The following SEL1L2 variants were observed in gnomAD, a reference collection of about 807,000 sequenced individuals.
SEL1L2 encodes the protein SEL1L2 adaptor subunit of SYVN1 ubiquitin ligase.
In SEL1L2, 89 loss-of-function variants were observed where a neutral mutation model predicts 98.8. The ratio of observed to expected loss-of-function variants is 0.90; its 90% CI spans 0.76 to 1.07. SEL1L2 has a LOEUF of 1.07. Ranked by LOEUF, SEL1L2 falls within the 50% of genes least tolerant of loss-of-function variation. The pLI, the probability that SEL1L2 is intolerant of heterozygous loss-of-function variation, is 0.00. For synonymous variants in SEL1L2, 262 were observed against 278.5 expected (o/e 0.94, Z 0.59); for missense variants, 788 against 812.0 (o/e 0.97, Z 0.36).
intron 2 of SEL1L2, 54 bp from the exon 3 acceptor site, chr20:13,931,825 T>A (rs1002400241): frequency 7.3e-7 from 1 of 1,366,004 alleles, no homozygotes; most frequent in Non-Finnish European, 9.7e-7. Flanking sequence ...TTTTTTCAAA[T>A]GAAACAACAG....
At chr20:13,902,910 G>C (rs1223130602) in intron 5 of SEL1L2, among the ~76,000 whole-genome samples, 1 of 152,098 alleles carries the variant, frequency 6.6e-6, no homozygotes. Context: ...GAGGTCAAGA[G>C]ATCGAGACCA....
At chr20:13,952,960 C>A (rs1408889259) in intron 2 of SEL1L2, among the ~76,000 whole-genome samples, 3 of 152,158 alleles carry the variant, frequency 2.0e-5, no homozygotes, top group Non-Finnish European at 4.4e-5. Flanking sequence ...ACCTGGGAGG[C>A]TTGCAGTGAA....
chr20:13,874,743 G>A (rs571011562), intron 12 of SEL1L2, among the ~76,000 whole-genome samples: 23 of 152,296 alleles, frequency 1.5e-4, no homozygotes, highest in Admixed American at 7.2e-4. Flanking sequence ...CAGCAGCTCT[G>A]AGGTGGTAGT....
chr20:13,917,786 CTTTTTTTTTTTTTTTTTTTTT>C (rs5840588), intron 4 of SEL1L2, among the ~76,000 whole-genome samples: 2 of 50,072 alleles, frequency 4.0e-5, no homozygotes, highest in African/African-American at 1.8e-4. Flanking sequence ...TTCTTTCTTT[CTTTTTTTTTTTTTTTTTTTTT>C]TTTTTTTTGA....
At chr20:13,950,093 A>T (rs371984724) in intron 2 of SEL1L2, among the ~76,000 whole-genome samples, 1 of 152,346 alleles carries the variant, frequency 6.6e-6, no homozygotes, top group East Asian at 1.9e-4. Flanking sequence ...ACACTGTATG[A>T]ACACTTAGAT....
intron 2 of SEL1L2, among the ~76,000 whole-genome samples, chr20:13,935,242 A>G (rs2049395803): frequency 6.6e-6 from 1 of 152,194 alleles, no homozygotes; most frequent in African/African-American, 2.4e-5. Context: ...CAGAGATTAA[A>G]TAATTTAATA....
intron 2 of SEL1L2, among the ~76,000 whole-genome samples, chr20:13,951,159 C>T (rs529085171): frequency 1.3e-5 from 2 of 151,284 alleles, no homozygotes; most frequent in Non-Finnish European, 2.9e-5. Flanking sequence ...CGCCTATAGT[C>T]CCAGCTACTC....
At chr20:13,900,182 T>C (rs1400967508) in intron 5 of SEL1L2, among the ~76,000 whole-genome samples, 1 of 152,228 alleles carries the variant, frequency 6.6e-6, no homozygotes, top group African/African-American at 2.4e-5. Context: ...CACACTGATA[T>C]GAGTGTGACC....
chr20:13,902,868 A>G (rs1377950426), intron 5 of SEL1L2, among the ~76,000 whole-genome samples: 2 of 152,212 alleles, frequency 1.3e-5, no homozygotes, highest in African/African-American at 4.8e-5. Flanking sequence ...CTGTAATCCC[A>G]GTACTTTGGG....
intron 17 of SEL1L2, among the ~76,000 whole-genome samples, chr20:13,863,681 G>A (rs1297913592): frequency 6.6e-6 from 1 of 152,098 alleles, no homozygotes; most frequent in African/African-American, 2.4e-5. Flanking sequence ...TAATATCAAT[G>A]TACTAGCTGG....
intron 1 of SEL1L2, among the ~76,000 whole-genome samples, chr20:13,965,371 G>C (rs1398474780): frequency 6.6e-6 from 1 of 152,144 alleles, no homozygotes; most frequent in Admixed American, 6.5e-5. Flanking sequence ...TGTGCAGACA[G>C]TAAGTACCAG....
At chr20:13,904,783 T>C (rs2047845732) in intron 5 of SEL1L2, among the ~76,000 whole-genome samples, 1 of 152,228 alleles carries the variant, frequency 6.6e-6, no homozygotes, top group East Asian at 1.9e-4. Flanking sequence ...TTCTTGATTC[T>C]GCTCAATTTA....
At chr20:13,904,326 T>G (rs2148118133) in intron 5 of SEL1L2, among the ~76,000 whole-genome samples, 1 of 152,168 alleles carries the variant, frequency 6.6e-6, no homozygotes, top group Admixed American at 6.5e-5. Flanking sequence ...GTCAGGAGTT[T>G]GAGACCAGCC....
intron 2 of SEL1L2, among the ~76,000 whole-genome samples, chr20:13,933,675 G>A (rs894515413): frequency 6.6e-6 from 1 of 152,160 alleles, no homozygotes; most frequent in African/African-American, 2.4e-5. Context: ...ATATTAAATA[G>A]ATACTGTGCC....
intron 2 of SEL1L2, among the ~76,000 whole-genome samples, chr20:13,934,083 C>T (rs557067712): frequency 1.5e-4 from 22 of 150,028 alleles, no homozygotes; most frequent in Admixed American, 2.0e-4. Flanking sequence ...GCAGTATACA[C>T]GGAACCCAAT....
At chr20:13,945,270 T>C (rs960172105) in intron 2 of SEL1L2, among the ~76,000 whole-genome samples, 1 of 152,146 alleles carries the variant, frequency 6.6e-6, no homozygotes, top group Admixed American at 6.5e-5. Flanking sequence ...GACCTGACCT[T>C]ATGTTAGGTT....
intron 1 of SEL1L2, among the ~76,000 whole-genome samples, chr20:13,961,390 C>T (rs2050764113): frequency 1.3e-5 from 2 of 152,226 alleles, no homozygotes; most frequent in South Asian, 4.1e-4. Flanking sequence ...TACTCCTCCC[C>T]TTCCACTGAG....
chr20:13,939,754 C>T (rs1258712771), intron 2 of SEL1L2, among the ~76,000 whole-genome samples: 1 of 147,540 alleles, frequency 6.8e-6, no homozygotes, highest in African/African-American at 2.6e-5. Context: ...GTAACCTCCA[C>T]CTCCCAAGTT....
intron 2 of SEL1L2, among the ~76,000 whole-genome samples, chr20:13,950,731 C>T (rs1275554071): frequency 6.6e-6 from 1 of 152,170 alleles, no homozygotes; most frequent in Non-Finnish European, 1.5e-5. Flanking sequence ...CTCTCTGCTC[C>T]TGGGAGAGAA....
Sources: gnomAD v4.1 joint callset for allele counts (sites outside exome capture counted in the v4.1 genomes callset) on GRCh38, gnomAD v4.1.1 for gene constraint, MANE v1.5 for transcripts, NCBI Gene and HGNC (gene_info 2026-07-23, HGNC 2026-07-21) for gene names.